Variants in CACNA1C observed in about 807,000 individuals in gnomAD.
CACNA1C encodes voltage-dependent L-type calcium channel subunit alpha-1C.
CACNA1C carries 30 observed loss-of-function variants against 229.0 expected under a neutral mutation model. That is an observed-to-expected ratio of 0.13 (90% CI 0.10 to 0.18). The LOEUF is 0.18. Among genes scored for constraint, CACNA1C ranks in the 10% least tolerant of loss-of-function variants. The pLI, the probability that CACNA1C is intolerant of heterozygous loss-of-function variation, is 1.00. For missense variants in CACNA1C, 1,658 were observed against 2,845.0 expected (o/e 0.58, Z 9.49); for synonymous variants, 1,114 against 1,132.5 (o/e 0.98, Z 0.33).
At chr12:2,350,608 C>T (rs2097176940) in intron 3 of CACNA1C, among the ~76,000 whole-genome samples, 1 of 152,184 alleles carries the variant, frequency 6.6e-6, no homozygotes, top group African/African-American at 2.4e-5. Flanking sequence ...CATTGATGCC[C>T]ATGAACTGAA....
chr12:2,576,960 A>G (rs916924618), intron 13 of CACNA1C, among the ~76,000 whole-genome samples: 5 of 152,240 alleles, frequency 3.3e-5, no homozygotes, highest in African/African-American at 1.2e-4. Flanking sequence ...CTAGATGAGC[A>G]TATAAAACAT....
At chr12:2,425,112 T>C (rs1216492040) in intron 3 of CACNA1C, among the ~76,000 whole-genome samples, 1 of 152,256 alleles carries the variant, frequency 6.6e-6, no homozygotes, top group African/African-American at 2.4e-5. Flanking sequence ...CCCGGAATCA[T>C]TGCTAGGTAG....
chr12:2,274,367 G>A (rs2086703699), intron 3 of CACNA1C, among the ~76,000 whole-genome samples: 3 of 152,200 alleles, frequency 2.0e-5, no homozygotes, highest in Admixed American at 2.0e-4. Flanking sequence ...AGGTAATAGG[G>A]GAAGCATGAT....
Position 2,630,967 on chromosome 12 carries a change from C to T in CACNA1C, c.3829-3330C>T, listed in dbSNP as rs1217536385. Among the ~76,000 whole-genome samples the T allele has an allele frequency of 6.6e-6, 1 of 152,138 alleles. No homozygotes were observed. The highest frequency in any genetic ancestry group is 2.4e-5 in the African/African-American group (1 of 41,408). On this transcript the variant is annotated intron_variant, in intron 29 of 46. Coordinates refer to ENST00000399655, the MANE Select transcript of CACNA1C (RefSeq NM_000719.7). This position sits in a 1 kb window ranked among gnomAD's most constrained non-coding sequence, Gnocchi z 5.4. ...GTCAAGAAAGAGGGGGCTGTGCCTT[C>T]TGTCTGCACATATACAAAGAAATCT...
At chr12:2,528,527 G>A (rs915252810) in intron 9 of CACNA1C, among the ~76,000 whole-genome samples, 6 of 152,196 alleles carry the variant, frequency 3.9e-5, no homozygotes, top group African/African-American at 1.2e-4. Flanking sequence ...ATCTCTGCAC[G>A]GAAAGCCCAG....
intron 1 of CACNA1C, among the ~76,000 whole-genome samples, chr12:2,084,895 C>A (rs1476408105): frequency 6.6e-6 from 1 of 152,128 alleles, no homozygotes; most frequent in East Asian, 1.9e-4. Context: ...TGTGCTTATT[C>A]TATTTCATCT....
At chr12:2,225,514 G>T (rs1336881595) in intron 3 of CACNA1C, among the ~76,000 whole-genome samples, 1 of 152,154 alleles carries the variant, frequency 6.6e-6, no homozygotes, top group Non-Finnish European at 1.5e-5. Flanking sequence ...GCAAGAACCT[G>T]GTTTTATGTA....
chr12:2,090,469 T>C (rs4765891), intron 1 of CACNA1C, among the ~76,000 whole-genome samples: 96,333 of 151,558 alleles, frequency 0.64, 30,633 homozygotes, highest in Admixed American at 0.66. Flanking sequence ...AGGTGTGCAC[T>C]ACCCTGCCTG....
chr12:2,559,751 T>C (rs1288589983), intron 11 of CACNA1C, among the ~76,000 whole-genome samples: 1 of 152,176 alleles, frequency 6.6e-6, no homozygotes, highest in Non-Finnish European at 1.5e-5. Context: ...GTGATGAGGT[T>C]CTGCCCGGGA....
rs115057586 is a variant in CACNA1C, at chr12:2,355,898, C to T, written c.478-93078C>T. 3.7e-3 allele frequency among the ~76,000 whole-genome samples: 571 copies of T among 152,296 alleles called. 2 individuals are homozygous for T. The highest frequency in any genetic ancestry group is 0.013 in the African/African-American group (549 of 41,560). On this transcript the variant is annotated intron_variant, in intron 3 of 46. Coordinates refer to ENST00000399655, the MANE Select transcript of CACNA1C (RefSeq NM_000719.7). ...GTGCTGAGCTGAGAGATCTACAAGC[C>T]TCCGTGTCTGTTCAGCTCCTTCCTG...
At chr12:2,265,040 G>A (rs897848717) in intron 3 of CACNA1C, among the ~76,000 whole-genome samples, 2 of 152,196 alleles carry the variant, frequency 1.3e-5, no homozygotes, top group African/African-American at 4.8e-5. Context: ...TAGGACGCCT[G>A]CCTGATGAGC....
chr12:2,439,252 A>T lies in CACNA1C; in HGVS notation c.478-9724A>T, dbSNP rs1389984572. On this transcript the variant is annotated intron_variant, in intron 3 of 46. Transcript: ENST00000399655. ...GGCATTTGGGCTTCCTCTCAACTCC[A>T]AGAGGGTGACACAGGCAGCATTGTG... is the stretch of plus-strand genomic sequence containing the variant. Among the ~76,000 whole-genome samples the T allele has an allele frequency of 2.0e-5, 3 of 152,208 alleles. No individual in the cohort carries two copies. The East Asian group carries it at 5.8e-4, about 29-fold the overall frequency.
At chr12:2,272,683 A>G (rs2085632139) in intron 3 of CACNA1C, among the ~76,000 whole-genome samples, 1 of 152,122 alleles carries the variant, frequency 6.6e-6, no homozygotes, top group Non-Finnish European at 1.5e-5. Flanking sequence ...TTCTCACCCC[A>G]TCAGTATTAT....
At chr12:2,362,496 T>A (rs2097582746) in intron 3 of CACNA1C, among the ~76,000 whole-genome samples, 1 of 152,162 alleles carries the variant, frequency 6.6e-6, no homozygotes, top group Non-Finnish European at 1.5e-5. Flanking sequence ...GTCTAGCTAA[T>A]CCTCAACATT....
chr12:2,006,551 C>T (rs2043502317), intron 1 of CACNA1C, among the ~76,000 whole-genome samples: 1 of 152,216 alleles, frequency 6.6e-6, no homozygotes, highest in African/African-American at 2.4e-5. Context: ...TTACTACTCA[C>T]ATTCATAAAT....
intron 3 of CACNA1C, among the ~76,000 whole-genome samples, chr12:2,448,217 G>GT (rs1224506681): frequency 1.3e-5 from 2 of 152,190 alleles, no homozygotes; most frequent in African/African-American, 4.8e-5. Flanking sequence ...CTTCTTCAAG[G>GT]TGGCAGGGGA....
In CACNA1C at chr12:2,593,255, G is replaced by T; in HGVS notation, c.2573G>T (p.Arg858Leu). The change falls in exon 19 of 47, where the codon CGC (arginine) becomes CTC (leucine). Residue 858 changes from arginine (R) to leucine (L), a missense_variant. Physicochemically the swap from Arg to Leu is moderately radical, Grantham distance 102 (BLOSUM62 -2). This residue lies in a region of CACNA1C where 121 missense variants were observed against 128.8 expected (regional missense o/e 0.94). Coordinates refer to ENST00000399655, the MANE Select transcript of CACNA1C (RefSeq NM_000719.7). ...GAGCCAGAGATGCCTGTCGGCCCTC[G>T]CCCACGACCACTCTCTGAGCTTCAC... ...EEEPEMPVGP[R>L]PRPLSELHLK... The T allele has an allele frequency of 6.2e-7, 1 of 1,613,632 alleles. No homozygotes were observed. The highest frequency in any genetic ancestry group is 8.5e-7 in the Non-Finnish European group (1 of 1,179,764).
intron 1 of CACNA1C, among the ~76,000 whole-genome samples, chr12:2,061,130 C>CTT (rs34246535): frequency 0.15 from 22,629 of 146,808 alleles, 2,459 homozygotes; most frequent in East Asian, 0.54. Context: ...AATCAAATCC[C>CTT]TTTTTTTTTT....
rs536274278 is a variant in CACNA1C, at chr12:2,605,757, T to C, written c.3127T>C (p.Phe1043Leu). The C allele has an allele frequency of 6.2e-7, 1 of 1,613,554 alleles. No individual in the cohort carries two copies. The highest frequency in any genetic ancestry group is 2.2e-5 in the East Asian group (1 of 44,856). ...VIVTTLLQFM[F>L]ACIGVQLFKG... ...TGTCACCACCCTGCTGCAGTTCATG[T>C]TTGCCTGCATCGGGGTCCAGCTCTT... Residue 1043 changes from phenylalanine (F) to leucine (L), a missense_variant, in exon 24 of 47, where the codon TTT becomes CTT. Phe to Leu is a conservative substitution (Grantham distance 22). Around this residue, in one of 20 missense-constraint regions of CACNA1C, gnomAD observed 39 missense variants for 143.3 expected, o/e 0.27. Coordinates refer to ENST00000399655, the MANE Select transcript of CACNA1C (RefSeq NM_000719.7). This position sits in a 1 kb window ranked among gnomAD's most constrained non-coding sequence, Gnocchi z 6.2.
Sources: gnomAD v4.1 joint callset for allele counts (sites outside exome capture counted in the v4.1 genomes callset) on GRCh38, gnomAD v4.1.1 for gene constraint, gnomAD v4.1.1 regional missense constraint, Gnocchi (gnomAD v3.1) non-coding constraint, MANE v1.5 for transcripts, NCBI Gene and HGNC (gene_info 2026-07-23, HGNC 2026-07-21) for gene names.